The following EYA1 variants were observed in gnomAD, a reference collection of about 807,000 sequenced individuals.
The protein encoded by EYA1 is EYA transcriptional coactivator and phosphatase 1, also known as protein phosphatase EYA1.
A neutral mutation model predicts 82.0 loss-of-function variants in EYA1; 16 were observed. The ratio of observed to expected loss-of-function variants is 0.20; its 90% CI spans 0.13 to 0.30. EYA1 has a LOEUF of 0.30. EYA1 is among the 10% of genes least tolerant of loss of function. The pLI is 1.00. For synonymous variants in EYA1, 261 were observed against 264.4 expected (o/e 0.99, Z 0.12); for missense variants, 633 against 730.7 (o/e 0.87, Z 1.54).
intron 2 of EYA1, among the ~76,000 whole-genome samples, chr8:71,474,926 G>A (rs1042167301): frequency 1.3e-5 from 2 of 152,134 alleles, no homozygotes; most frequent in Non-Finnish European, 2.9e-5. Flanking sequence ...AAGGTCAGGA[G>A]TTCGAGACCA....
intron 12 of EYA1, 59 bp from the exon 13 acceptor site, chr8:71,217,082 T>C: frequency 7.4e-7 from 1 of 1,343,412 alleles, no homozygotes. Flanking sequence ...TTTTTTTGTT[T>C]TGTTTTGGAA....
At position 71,439,942 on chromosome 8, in the gene EYA1, C is replaced by T. The variant is rs541656949; in HGVS notation, c.34-83431G>A. On this transcript the variant is annotated intron_variant, in intron 2 of 18. Transcript: ENST00000643681. ...ACTGCGGCCTGGCATATATTAAATG[C>T]TCAATAGGTGTTAGCTATTAACTAA... is the stretch of plus-strand genomic sequence containing the variant. Among the ~76,000 whole-genome samples the T allele has an allele frequency of 5.7e-4, 87 of 152,062 alleles. 2 individuals carry two copies. Among genetic ancestry groups the T allele is most frequent in the South Asian group, 4.2e-4 (2 of 4,802 alleles).
chr8:71,338,266 C>G (rs531228183), intron 3 of EYA1, among the ~76,000 whole-genome samples: 1 of 152,214 alleles, frequency 6.6e-6, no homozygotes, highest in East Asian at 1.9e-4. Flanking sequence ...AAGGCAGGAC[C>G]AAATTGTGAT....
At chr8:71,386,704 G>A (rs1828984640) in intron 2 of EYA1, among the ~76,000 whole-genome samples, 1 of 152,170 alleles carries the variant, frequency 6.6e-6, no homozygotes, top group African/African-American at 2.4e-5. Context: ...GAAAAAAACA[G>A]GATGATATAA....
chr8:71,206,510 C>G (rs1807792053), intron 17 of EYA1, among the ~76,000 whole-genome samples: 1 of 152,028 alleles, frequency 6.6e-6, no homozygotes, highest in South Asian at 2.1e-4. Context: ...TGTGAGCCAC[C>G]ACTCTCCGAC....
chr8:71,365,483 A>G (rs1363942317), upstream of EYA1, among the ~76,000 whole-genome samples: 7 of 152,344 alleles, frequency 4.6e-5, no homozygotes, highest in Admixed American at 2.6e-4. Flanking sequence ...TTCTTAAAAA[A>G]GCGAAATCCC....
At chr8:71,225,642 G>A (rs1359958824) in intron 12 of EYA1, among the ~76,000 whole-genome samples, 2 of 152,100 alleles carry the variant, frequency 1.3e-5, no homozygotes, top group Non-Finnish European at 2.9e-5. Context: ...GATATTTTAA[G>A]TCAATATTTA....
intron 1 of EYA1, among the ~76,000 whole-genome samples, chr8:71,541,954 A>T (rs115072145): frequency 1.6e-3 from 244 of 152,338 alleles, no homozygotes; most frequent in African/African-American, 5.7e-3. Flanking sequence ...ACTGGCAGCA[A>T]ACAAAACTGG....
At chr8:71,464,311 C>A (rs1427853758) in intron 2 of EYA1, among the ~76,000 whole-genome samples, 2 of 152,172 alleles carry the variant, frequency 1.3e-5, no homozygotes, top group Non-Finnish European at 2.9e-5. Flanking sequence ...CACATTAATG[C>A]TTTTCCTCCA....
At chr8:71,249,650 G>A in intron 11 of EYA1, among the ~76,000 whole-genome samples, 1 of 152,034 alleles carries the variant, frequency 6.6e-6, no homozygotes, top group East Asian at 1.9e-4. Flanking sequence ...TGGTTCCTAG[G>A]ACTTTATTCT....
chr8:71,242,246 A>T (rs1812559437), intron 12 of EYA1, among the ~76,000 whole-genome samples: 1 of 152,120 alleles, frequency 6.6e-6, no homozygotes, highest in African/African-American at 2.4e-5. Context: ...TAAGTAAAAA[A>T]CCAATTTATT....
intron 2 of EYA1, among the ~76,000 whole-genome samples, chr8:71,454,577 C>T (rs13272184): frequency 6.6e-6 from 1 of 152,204 alleles, no homozygotes; most frequent in East Asian, 1.9e-4. Flanking sequence ...GTCTCTCAGA[C>T]CACAGTGCAA....
chr8:71,440,945 C>T (rs2129170376), intron 2 of EYA1, among the ~76,000 whole-genome samples: 1 of 152,222 alleles, frequency 6.6e-6, no homozygotes, highest in African/African-American at 2.4e-5. Flanking sequence ...AAGAAATCCA[C>T]CTAAATCTGT....
chr8:71,462,647 T>G (rs1225208590), intron 2 of EYA1, among the ~76,000 whole-genome samples: 2 of 152,180 alleles, frequency 1.3e-5, no homozygotes, highest in Non-Finnish European at 2.9e-5. Flanking sequence ...TGGAGTGCAG[T>G]ACCACCCCAG....
intron 2 of EYA1, among the ~76,000 whole-genome samples, chr8:71,382,207 T>A (rs1828742477): frequency 6.6e-6 from 1 of 152,156 alleles, no homozygotes. Context: ...TAAAACCAGA[T>A]GAAAGTAGAT....
intron 6 of EYA1, among the ~76,000 whole-genome samples, chr8:71,318,452 T>C (rs1822167386): frequency 6.6e-6 from 1 of 152,196 alleles, no homozygotes; most frequent in Non-Finnish European, 1.5e-5. Flanking sequence ...TATCATATGA[T>C]AATATAAAAA....
intron 12 of EYA1, among the ~76,000 whole-genome samples, chr8:71,221,334 G>A (rs986447675): frequency 1.2e-4 from 19 of 152,076 alleles, no homozygotes; most frequent in African/African-American, 4.6e-4. Context: ...GGCGGGGAAG[G>A]TACAAAGGAA....
intron 11 of EYA1, among the ~76,000 whole-genome samples, chr8:71,262,660 C>G (rs1815274698): frequency 6.6e-6 from 1 of 152,114 alleles, no homozygotes; most frequent in African/African-American, 2.4e-5. Context: ...TATTCATGAA[C>G]AAGAACAGTA....
intron 2 of EYA1, among the ~76,000 whole-genome samples, chr8:71,497,319 T>C (rs545902793): frequency 6.6e-6 from 1 of 152,228 alleles, no homozygotes; most frequent in Non-Finnish European, 1.5e-5. Context: ...CCACGGGCCA[T>C]GGGTTGGATA....
Sources: gnomAD v4.1 joint callset for allele counts (sites outside exome capture counted in the v4.1 genomes callset) on GRCh38, gnomAD v4.1.1 for gene constraint, MANE v1.5 for transcripts, NCBI Gene and HGNC (gene_info 2026-07-23, HGNC 2026-07-21) for gene names.